Variants in PCDHGA12 observed in about 807,000 individuals in gnomAD.
PCDHGA12 encodes protocadherin gamma subfamily A, 12.
A neutral mutation model predicts 61.1 loss-of-function variants in PCDHGA12; 43 were observed. That is an observed-to-expected ratio of 0.70 (90% CI 0.55 to 0.91). The LOEUF (loss-of-function observed/expected upper bound fraction) is 0.91. Among genes scored for constraint, PCDHGA12 ranks in the 40% least tolerant of loss-of-function variants. The probability of loss-of-function intolerance (pLI) is 0.00; values close to 1 mark genes in which losing one functional copy is unlikely to be tolerated. For missense variants in PCDHGA12, 1,236 were observed against 1,227.7 expected, an observed-to-expected ratio of 1.01 and a Z score of -0.10; for synonymous variants, 520 against 542.9, an observed-to-expected ratio of 0.96 and a Z score of 0.59.
At chr5:141,482,761 ATT>A (rs2099571906) in intron 1 of PCDHGA12, among the ~76,000 whole-genome samples, 1 of 127,370 alleles carries the variant, frequency 7.9e-6, no homozygotes, top group Admixed American at 7.7e-5. Flanking sequence ...ATGGTATTTC[ATT>A]ATCACTGAAC....
chr5:141,511,641 A>C lies in PCDHGA12; in HGVS notation c.*468A>C. On this transcript the variant is annotated 3_prime_UTR_variant, in exon 4 of 4. Transcript: ENST00000252085. ...TCTGAAAAGTTGGAAGGGCATCATG[A>C]CCTCTTGGCCTCTCCTTTGATTCTC... 1 of 224,930 alleles carries C rather than the reference A, an allele frequency of 4.4e-6. No homozygotes were observed. The allele number at this position is 224,930 out of a possible 1,614,324, so 13.9% of individuals were successfully genotyped here. A position where few individuals can be genotyped will look rare whatever the true frequency, so the allele number is the denominator to read the frequency against.
Position 141,490,826 on chromosome 5 carries a change from T to A in PCDHGA12, c.2425-3981T>A, listed in dbSNP as rs1195265146. ...ACCTTTGACTATGAATTGCTGCAGA[T>A]GCTGCAGATTGTGGTGGGGGTTCGA... On this transcript the variant is annotated intron_variant, in intron 1 of 3. Coordinates refer to ENST00000252085, the MANE Select transcript of PCDHGA12 (RefSeq NM_003735.3). The surrounding 1 kb of genome is among the most constrained non-coding windows in gnomAD (Gnocchi z 5.4). 6.2e-7 allele frequency: 1 copy of A among 1,613,736 alleles called. No homozygotes were observed. The highest frequency in any genetic ancestry group is 8.5e-7 in the Non-Finnish European group (1 of 1,179,796).
At chr5:141,497,464 T>G (rs1277760390) in intron 2 of PCDHGA12, among the ~76,000 whole-genome samples, 1 of 151,764 alleles carries the variant, frequency 6.6e-6, no homozygotes, top group Non-Finnish European at 1.5e-5. Flanking sequence ...CTTGGAGATA[T>G]GGAGGAGAAG....
intron 3 of PCDHGA12, among the ~76,000 whole-genome samples, chr5:141,509,685 A>G (rs923641083): frequency 6.6e-6 from 1 of 152,166 alleles, no homozygotes. Flanking sequence ...TCTTCTGTAC[A>G]GTGGGACGTT....
chr5:141,477,639 G>T lies in PCDHGA12; in HGVS notation c.2425-17168G>T, dbSNP rs2099414883. ...GGAGCTGAAACCGGGCTAGTGGGTCGCTATTTCACAATAAATCGTGACAAT... is the reference window on the plus strand; with the variant it reads ...GGAGCTGAAACCGGGCTAGTGGGTCTCTATTTCACAATAAATCGTGACAAT... On this transcript the variant is annotated intron_variant, in intron 1 of 3. Transcript: ENST00000252085. The surrounding 1 kb of genome is among the most constrained non-coding windows in gnomAD (Gnocchi z 4.9). 3.1e-6 allele frequency: 5 copies of T among 1,614,004 alleles called. No homozygotes were observed. Among genetic ancestry groups the T allele is most frequent in the Non-Finnish European group, 4.2e-6 (5 of 1,180,034 alleles).
rs1481151067 is a variant in PCDHGA12, at chr5:141,477,223, T to A, written c.2425-17584T>A. On this transcript the variant is annotated intron_variant, in intron 1 of 3. Transcript: ENST00000252085. This position sits in a 1 kb window ranked among gnomAD's most constrained non-coding sequence, Gnocchi z 4.9. ...TACCCGAGGATGCCCCTCTGGGGAC[T>A]GTCATCGCTTTGCTCAGTGTGACTG... The A allele has an allele frequency of 6.2e-7, 1 of 1,614,198 alleles. No individual in the cohort carries two copies. The highest frequency in any genetic ancestry group is 1.1e-5 in the South Asian group (1 of 91,084).
At chr5:141,494,770 C>A (rs767006872) in intron 1 of PCDHGA12, 37 bp from the exon 2 acceptor site, 14 of 1,613,904 alleles carry the variant, frequency 8.7e-6, no homozygotes, top group Non-Finnish European at 1.1e-5. Flanking sequence ...TAACTTCTCA[C>A]GGGTACTCAG....
intron 1 of PCDHGA12, among the ~76,000 whole-genome samples, chr5:141,456,287 C>T (rs951430060): frequency 1.3e-5 from 2 of 152,048 alleles, no homozygotes; most frequent in Non-Finnish European, 2.9e-5. Flanking sequence ...TGAAAAGGGG[C>T]GTCTAATGGA....
chr5:141,497,191 A>G (rs2099774633), intron 2 of PCDHGA12, among the ~76,000 whole-genome samples: 1 of 126,864 alleles, frequency 7.9e-6, no homozygotes, highest in Admixed American at 8.3e-5. Context: ...TGAGAGGCAG[A>G]GAACAATGTG....
chr5:141,462,623 T>C (rs992165332), intron 1 of PCDHGA12, among the ~76,000 whole-genome samples: 3 of 150,992 alleles, frequency 2.0e-5, no homozygotes, highest in Non-Finnish European at 4.4e-5. Context: ...CTTTTAGAAG[T>C]TCCATTTGAC....
intron 2 of PCDHGA12, among the ~76,000 whole-genome samples, chr5:141,500,359 C>T (rs2099799599): frequency 6.6e-6 from 1 of 152,032 alleles, no homozygotes; most frequent in Non-Finnish European, 1.5e-5. Flanking sequence ...CAGGCGCCCA[C>T]TACCACGCCC....
At chr5:141,438,633 TATACACACAC>T (rs1369232099) in intron 1 of PCDHGA12, among the ~76,000 whole-genome samples, 454 of 33,892 alleles carry the variant, frequency 0.013, 1 homozygote, top group Non-Finnish European at 0.019. Flanking sequence ...TATATATATA[TATACACACAC>T]ACACACACAT....
chr5:141,451,165 A>G (rs2098709571), intron 1 of PCDHGA12, among the ~76,000 whole-genome samples: 1 of 152,116 alleles, frequency 6.6e-6, no homozygotes, highest in Admixed American at 6.6e-5. Context: ...TTTTGGTAGT[A>G]TATTATTTAG....
In PCDHGA12 at chr5:141,493,233, G is replaced by T. The variant is rs1335823475; in HGVS notation, c.2425-1574G>T. ...TTTGCTCTTCCCACCATTGCTGTTG[G>T]CTAGGTACTAACATGCCTCTCTTAT... is the stretch of plus-strand genomic sequence containing the variant. On this transcript the variant is annotated intron_variant, in intron 1 of 3. Coordinates refer to ENST00000252085, the MANE Select transcript of PCDHGA12 (RefSeq NM_003735.3). This position sits in a 1 kb window ranked among gnomAD's most constrained non-coding sequence, Gnocchi z 4.3. 6.6e-6 allele frequency among the ~76,000 whole-genome samples: 1 copy of T among 152,172 alleles called. No homozygotes were observed. The highest frequency in any genetic ancestry group is 2.1e-4 in the South Asian group (1 of 4,828).
At position 141,433,128 on chromosome 5, in the gene PCDHGA12, C is replaced by T. The variant is rs773994964; in HGVS notation, c.2369C>T (p.Pro790Leu). The change falls in exon 1 of 4, where the codon CCC (proline) becomes CTC (leucine). Residue 790 changes from proline to leucine, a missense_variant. Coordinates refer to ENST00000252085, the MANE Select transcript of PCDHGA12 (RefSeq NM_003735.3). Reference sequence around the variant, plus strand: ...CAGGAGAGCTTTGAAAAAAGCGAGCCCCTTTTGCTGTCAGGTGATTCGGTA... The same window carrying T: ...CAGGAGAGCTTTGAAAAAAGCGAGCTCCTTTTGCTGTCAGGTGATTCGGTA... ...VSQESFEKSE[P>L]LLLSGDSVFS... The T allele has an allele frequency of 1.9e-6, 3 of 1,614,158 alleles. No individual in the cohort carries two copies. Among genetic ancestry groups the T allele is most frequent in the Non-Finnish European group, 1.7e-6 (2 of 1,180,020 alleles).
In PCDHGA12 at chr5:141,477,472, C is replaced by T. The variant is rs764533834; in HGVS notation, c.2425-17335C>T. 1 of 1,614,156 alleles carries T rather than the reference C, an allele frequency of 6.2e-7. No homozygotes were observed. Among genetic ancestry groups the T allele is most frequent in the South Asian group, 1.1e-5 (1 of 91,080 alleles). Reference sequence around the variant, plus strand: ...GTGTTCAAGTGTCCGACATCAATGACAACCCTCCACAATCTTCTCAATCTT... The same window carrying T: ...GTGTTCAAGTGTCCGACATCAATGATAACCCTCCACAATCTTCTCAATCTT... On this transcript the variant is annotated intron_variant, in intron 1 of 3. Transcript: ENST00000252085. This position sits in a 1 kb window ranked among gnomAD's most constrained non-coding sequence, Gnocchi z 4.9.
rs994878374 is a variant in PCDHGA12, at chr5:141,491,785, C to T, written c.2425-3022C>T. ...TCCTCATAAGGGATTGAACTTGCAT[C>T]CACTCCTCTCCGGCCGGCTTGGTCG... is the stretch of plus-strand genomic sequence containing the variant. On this transcript the variant is annotated intron_variant, in intron 1 of 3. Transcript: ENST00000252085. The surrounding 1 kb of genome is among the most constrained non-coding windows in gnomAD (Gnocchi z 6.9). 20 of 1,529,458 alleles carry T rather than the reference C, an allele frequency of 1.3e-5. No individual in the cohort carries two copies. Among genetic ancestry groups the T allele is most frequent in the Non-Finnish European group, 1.8e-5 (20 of 1,139,198 alleles). The allele number at this position is 1,529,458 out of a possible 1,614,324, so 94.7% of individuals were successfully genotyped here. A position where few individuals can be genotyped will look rare whatever the true frequency, so the allele number is the denominator to read the frequency against.
chr5:141,472,856 C>T (rs1251907207), intron 1 of PCDHGA12, among the ~76,000 whole-genome samples: 5 of 150,296 alleles, frequency 3.3e-5, no homozygotes, highest in East Asian at 2.0e-4. Flanking sequence ...CATGGTGGCA[C>T]ATGCCTGTAT....
Position 141,485,182 on chromosome 5 carries a change from C to A in PCDHGA12, c.2425-9625C>A. 6.2e-7 allele frequency: 1 copy of A among 1,613,070 alleles called. No individual in the cohort carries two copies. The highest frequency in any genetic ancestry group is 8.5e-7 in the Non-Finnish European group (1 of 1,179,154). On this transcript the variant is annotated intron_variant, in intron 1 of 3. Coordinates refer to ENST00000252085, the MANE Select transcript of PCDHGA12 (RefSeq NM_003735.3). This position sits in a 1 kb window ranked among gnomAD's most constrained non-coding sequence, Gnocchi z 5.7. ...ATTAGCGGGCGGCAGCAATGCTCCG[C>A]AAGGTGAGAAGCTGGACAGAAATCT...
Sources: allele counts gnomAD v4.1 joint callset (sites outside exome capture counted in the v4.1 genomes callset), GRCh38; gene constraint gnomAD v4.1.1; non-coding constraint Gnocchi (gnomAD v3.1); transcripts MANE v1.5; gene names NCBI Gene and HGNC (gene_info 2026-07-23, HGNC 2026-07-21).